EPCAM: variants seen among roughly 807,000 people sequenced by gnomAD.
EPCAM encodes the protein adenocarcinoma-associated antigen.
Under a neutral mutation model 40.0 loss-of-function variants are expected in EPCAM, and 39 were observed. The observed-to-expected ratio is 0.98, with a 90% CI of 0.76 to 1.27. The LOEUF (loss-of-function observed/expected upper bound fraction) is 1.27. Ranked by LOEUF, EPCAM falls within the 50% of genes most tolerant of loss-of-function variation. The pLI is 0.00. For missense variants in EPCAM, 503 were observed against 381.2 expected (o/e 1.32, Z -2.66); for synonymous variants, 168 against 132.3 (o/e 1.27, Z -1.85).
intron 7 of EPCAM, among the ~76,000 whole-genome samples, chr2:47,383,925 C>T (rs934950796): frequency 6.6e-6 from 1 of 151,936 alleles, no homozygotes; most frequent in Admixed American, 6.6e-5. Flanking sequence ...GCGTGAACCA[C>T]CATGCCTGGC....
chr2:47,379,850 A>C lies in EPCAM; in HGVS notation c.739A>C (p.Thr247Pro), dbSNP rs147958220. Residue 247 changes from threonine (T) to proline (P), a missense_variant, in exon 7 of 9, where the codon ACT (threonine) becomes CCT (proline). By Grantham distance (38) the Thr-to-Pro change is conservative. Coordinates refer to ENST00000263735, the MANE Select transcript of EPCAM (RefSeq NM_002354.3). The part of the protein sequence containing the change: ...GEQLDLDPGQ[T>P]LIYYVDEKAP... Reference sequence around the variant, plus strand: ...ACAACTGGATCTGGATCCTGGTCAAACTTTAATTTATTATGTTGATGAAAA... The same window carrying C: ...ACAACTGGATCTGGATCCTGGTCAACCTTTAATTTATTATGTTGATGAAAA... 30 of 1,614,028 alleles carry C rather than the reference A, an allele frequency of 1.9e-5. No individual in the cohort carries two copies. The highest frequency in any genetic ancestry group is 2.5e-5 in the Non-Finnish European group (30 of 1,180,046).
chr2:47,373,330 A>G, intron 1 of EPCAM, 133 bp from the exon 2 acceptor site: 2 of 675,096 alleles, frequency 3.0e-6, no homozygotes, highest in Non-Finnish European at 5.1e-6. Flanking sequence ...GCTGAAAAAT[A>G]AAACATTCAG....
chr2:47,376,940 C>CT, intron 4 of EPCAM, 74 bp from the exon 5 acceptor site: 1 of 1,002,784 alleles, frequency 1.0e-6, no homozygotes, highest in Non-Finnish European at 1.6e-6. Flanking sequence ...GAGCTGTCTG[C>CT]TTAAAGAGTA....
chr2:47,373,442 A>AT lies in EPCAM; in HGVS notation c.77-11dup, dbSNP rs200383246. The AT allele has an allele frequency of 1.6e-3, 2,214 of 1,392,466 alleles. 2 individuals are homozygous for AT. Among genetic ancestry groups the AT allele is most frequent in the East Asian group, 8.9e-3 (370 of 41,446 alleles). 86.3% of individuals were successfully genotyped at this position (1,392,466 alleles called of 1,614,324 possible). A position where few individuals can be genotyped will look rare whatever the true frequency, so the allele number is the denominator to read the frequency against. On this transcript the variant is annotated intron_variant, in intron 1 of 8. Transcript: ENST00000263735. Reference sequence around the variant, plus strand: ...TTAATAGATCCACATTTTAAAGTAGATTTTTTTTTTAATTTTCTAGAATGT... The same window carrying AT: ...TTAATAGATCCACATTTTAAAGTAGATTTTTTTTTTTAATTTTCTAGAATGT...
chr2:47,381,000 A>G (rs1197006180), intron 7 of EPCAM, among the ~76,000 whole-genome samples: 1 of 143,052 alleles, frequency 7.0e-6, no homozygotes, highest in African/African-American at 2.5e-5. Context: ...GCAGGAGAAT[A>G]GCTTGAACCT....
intron 7 of EPCAM, 70 bp downstream of exon 7, chr2:47,380,039 G>A (rs1167996624): frequency 2.8e-5 from 43 of 1,549,808 alleles, no homozygotes; most frequent in South Asian, 3.6e-5. Context: ...GTGGCTGGGC[G>A]CGGTGGCTCA....
At chr2:47,380,097 C>T (rs992857717) in intron 7 of EPCAM, 128 bp downstream of exon 7, 4 of 1,477,564 alleles carry the variant, frequency 2.7e-6, no homozygotes, top group Non-Finnish European at 2.8e-6. Context: ...AGGTGGATCA[C>T]TTGAGCCCAG....
At chr2:47,376,194 A>G (rs896141302) in intron 4 of EPCAM, among the ~76,000 whole-genome samples, 14 of 150,002 alleles carry the variant, frequency 9.3e-5, no homozygotes, top group Admixed American at 6.7e-5. Flanking sequence ...ATTTTTAAAG[A>G]GCATGGGCAA....
intron 7 of EPCAM, among the ~76,000 whole-genome samples, chr2:47,384,661 G>A (rs1349273501): frequency 6.6e-6 from 1 of 151,078 alleles, no homozygotes; most frequent in Admixed American, 6.6e-5. Flanking sequence ...CAAGTGATCC[G>A]CCCACCTCGG....
Position 47,386,669 on chromosome 2 carries a change from A to G in EPCAM, c.*56A>G. On this transcript the variant is annotated 3_prime_UTR_variant, in exon 9 of 9. Transcript: ENST00000263735. ...AAATAGCAAATGGACACAAATTACA[A>G]ATGTGTGTGCGTGGGACGAAGACAT... 1 of 1,344,358 alleles carries G rather than the reference A, an allele frequency of 7.4e-7. No homozygotes were observed. The highest frequency in any genetic ancestry group is 1.1e-6 in the Non-Finnish European group (1 of 936,280). 83.3% of individuals were successfully genotyped at this position (1,344,358 alleles called of 1,614,324 possible).
At chr2:47,378,564 A>T (rs1404445626) in intron 5 of EPCAM, among the ~76,000 whole-genome samples, 1 of 151,898 alleles carries the variant, frequency 6.6e-6, no homozygotes, top group Non-Finnish European at 1.5e-5. Context: ...AGCCTCCCAA[A>T]GTGCTGGGAT....
In EPCAM at chr2:47,385,175, A is replaced by G. The variant is rs2103768486; in HGVS notation, c.868A>G (p.Arg290Gly). The G allele has an allele frequency of 6.2e-7, 1 of 1,612,904 alleles. No homozygotes were observed. The highest frequency in any genetic ancestry group is 2.2e-5 in the East Asian group (1 of 44,818). Residue 290 changes from arginine (R) to glycine (G), a missense_variant, in exon 8 of 9, where the codon AGA (arginine) becomes GGA (glycine). Arg to Gly is a moderately radical substitution (Grantham distance 125, BLOSUM62 -2). Transcript: ENST00000263735. ...VAGIVVLVIS[R>G]KKRMAKYEKA... ...TCTTTCTTCCACTCAGGTTATTTCC[A>G]GAAAGAAGAGAATGGCAAAGTATGA...
intron 8 of EPCAM, among the ~76,000 whole-genome samples, chr2:47,386,225 T>A (rs1238549050): frequency 6.6e-6 from 1 of 152,116 alleles, no homozygotes; most frequent in African/African-American, 2.4e-5. Flanking sequence ...TGAACTTGAG[T>A]TTCCCCACAT....
chr2:47,372,974 G>A (rs977176724), intron 1 of EPCAM, among the ~76,000 whole-genome samples: 51 of 152,124 alleles, frequency 3.4e-4, no homozygotes, highest in African/African-American at 1.2e-3. Flanking sequence ...GGGAGGCTGA[G>A]GCAGGAGGAT....
chr2:47,382,161 T>C lies in EPCAM; in HGVS notation c.858+2192T>C, dbSNP rs147617351. 4.6e-3 allele frequency among the ~76,000 whole-genome samples: 693 copies of C among 152,024 alleles called. 3 individuals carry two copies. Among genetic ancestry groups the C allele is most frequent in the Non-Finnish European group, 7.3e-3 (498 of 67,976 alleles). ...AATAACGATGGGCATGAAAAAAATA[T>C]GGCGCATAAAGCAAAAATGGATATT... On this transcript the variant is annotated intron_variant, in intron 7 of 8. Coordinates refer to ENST00000263735, the MANE Select transcript of EPCAM (RefSeq NM_002354.3).
rs1671158286 is a variant in EPCAM, at chr2:47,369,485, T to C, written c.-21T>C. 3 of 1,519,368 alleles carry C rather than the reference T, an allele frequency of 2.0e-6. No individual in the cohort carries two copies. The highest frequency in any genetic ancestry group is 2.6e-6 in the Non-Finnish European group (3 of 1,137,930). The allele number at this position is 1,519,368 out of a possible 1,614,324, so 94.1% of individuals were successfully genotyped here. A position where few individuals can be genotyped will look rare whatever the true frequency, so the allele number is the denominator to read the frequency against. ...GAGTCCCGGGCCCCTCCCGCGCCCC[T>C]CTTCTCGGCGCGCGCGCAGCATGGC... On this transcript the variant is annotated 5_prime_UTR_variant, in exon 1 of 9. Coordinates refer to ENST00000263735, the MANE Select transcript of EPCAM (RefSeq NM_002354.3).
intron 6 of EPCAM, among the ~76,000 whole-genome samples, chr2:47,379,478 G>C (rs1440778631): frequency 6.6e-6 from 1 of 152,146 alleles, no homozygotes; most frequent in Non-Finnish European, 1.5e-5. Context: ...CTGGGCGGGG[G>C]TGAAAGGATG....
Position 47,369,577 on chromosome 2 carries a change from G to A in EPCAM, c.72G>A (p.Gln24=), listed in dbSNP as rs1168138313. 4.4e-6 allele frequency: 7 copies of A among 1,591,420 alleles called. No individual in the cohort carries two copies. Among genetic ancestry groups the A allele is most frequent in the Non-Finnish European group, 6.0e-6 (7 of 1,171,336 alleles). The stretch of plus-strand genomic sequence containing the variant: ...CGACGGCGACTTTTGCCGCAGCTCA[G>A]GAAGGTGAGGCGCGGATTGGAGCAG... ...AAATATFAAA[Q]EECVCENYKL... The change falls in exon 1 of 9, where the codon CAG becomes CAA. Residue 24 remains glutamine (Q), a synonymous_variant. Coordinates refer to ENST00000263735, the MANE Select transcript of EPCAM (RefSeq NM_002354.3).
intron 5 of EPCAM, among the ~76,000 whole-genome samples, 191 bp from the exon 6 acceptor site, chr2:47,378,762 G>C (rs1313620095): frequency 1.3e-5 from 2 of 152,036 alleles, no homozygotes; most frequent in African/African-American, 4.8e-5. Context: ...ATTTCCCTTT[G>C]ATAGATTTAG....
Sources: allele counts gnomAD v4.1 joint callset (sites outside exome capture counted in the v4.1 genomes callset), GRCh38; gene constraint gnomAD v4.1.1; transcripts MANE v1.5; gene names NCBI Gene and HGNC (gene_info 2026-07-23, HGNC 2026-07-21).